PCDHA1: variants seen among roughly 807,000 people sequenced by gnomAD.
PCDHA1 encodes protocadherin alpha-1.
PCDHA1 carries 42 observed loss-of-function variants against 61.3 expected under a neutral mutation model. That is an observed-to-expected ratio of 0.69 (90% CI 0.54 to 0.89). The LOEUF is 0.89. Among genes scored for constraint, PCDHA1 ranks in the 40% least tolerant of loss-of-function variants. The pLI is 0.00. For missense variants in PCDHA1, 1,256 were observed against 1,235.3 expected, an observed-to-expected ratio of 1.02 and a Z score of -0.25; for synonymous variants, 610 against 553.8, an observed-to-expected ratio of 1.10 and a Z score of -1.43.
chr5:140,854,269 G>C, intron 1 of PCDHA1: 2 of 577,018 alleles, frequency 3.5e-6, no homozygotes, highest in Non-Finnish European at 4.4e-6. Flanking sequence ...TACATTAGTA[G>C]AAATTGAGTT....
At chr5:140,795,112 C>G in intron 1 of PCDHA1, 1 of 1,614,064 alleles carries the variant, frequency 6.2e-7, no homozygotes. Context: ...CCGCATCGCG[C>G]AGGACCTGGG....
Position 140,929,060 on chromosome 5 carries a change from A to G in PCDHA1, c.2395-49889A>G, listed in dbSNP as rs782222884. 3 of 1,614,188 alleles carry G rather than the reference A, an allele frequency of 1.9e-6. No individual in the cohort carries two copies. In the South Asian group the frequency reaches 3.3e-5, roughly 18 times the overall value. On this transcript the variant is annotated intron_variant, in intron 1 of 3. Transcript: ENST00000504120. ...GCTCAGAGCTGCTGTCGCTCTACAGAGGATCTGAGGTATGGAAGTAAGATG... is the reference window on the plus strand; with the variant it reads ...GCTCAGAGCTGCTGTCGCTCTACAGGGGATCTGAGGTATGGAAGTAAGATG...
chr5:140,992,414 G>T (rs868994021), intron 3 of PCDHA1, among the ~76,000 whole-genome samples: 1 of 152,128 alleles, frequency 6.6e-6, no homozygotes, highest in African/African-American at 2.4e-5. Flanking sequence ...TCTGCCCCAG[G>T]TCTAAGAATA....
chr5:140,793,137 A>G (rs1348290402), intron 1 of PCDHA1, among the ~76,000 whole-genome samples: 3 of 152,228 alleles, frequency 2.0e-5, no homozygotes, highest in Non-Finnish European at 4.4e-5. Flanking sequence ...TTCTGGTAAG[A>G]GTCATCAAAC....
chr5:140,823,100 T>C (rs1183844615), intron 1 of PCDHA1: 3 of 1,613,902 alleles, frequency 1.9e-6, no homozygotes, highest in African/African-American at 1.3e-5. Context: ...AGCGTGTCTG[T>C]GGAAGTGGCC....
intron 1 of PCDHA1, among the ~76,000 whole-genome samples, chr5:140,958,752 T>A (rs1423879082): frequency 6.6e-6 from 1 of 152,166 alleles, no homozygotes; most frequent in Non-Finnish European, 1.5e-5. Context: ...AAAGGAGATT[T>A]TTACCCATTT....
chr5:140,836,639 G>T, intron 1 of PCDHA1: 1 of 1,613,412 alleles, frequency 6.2e-7, no homozygotes, highest in Middle Eastern at 1.6e-4. Context: ...CATTCTCCCA[G>T]CAGAGGCGGC....
chr5:140,803,165 A>G, intron 1 of PCDHA1: 1 of 1,613,822 alleles, frequency 6.2e-7, no homozygotes, highest in Non-Finnish European at 8.5e-7. Context: ...ACCACGGTGA[A>G]CCCTCATTGA....
At chr5:140,832,345 G>T (rs2150201218) in intron 1 of PCDHA1, among the ~76,000 whole-genome samples, 1,544 of 152,284 alleles carry the variant, frequency 0.01, 30 homozygotes, top group African/African-American at 0.036. Context: ...GTTGTGGTTT[G>T]TGTTTCCTAA....
chr5:140,850,045 T>A lies in PCDHA1; in HGVS notation c.2394+61361T>A, dbSNP rs782277317. 1.9e-6 allele frequency: 3 copies of A among 1,596,208 alleles called. No individual in the cohort carries two copies. Among genetic ancestry groups the A allele is most frequent in the Non-Finnish European group, 2.6e-6 (3 of 1,167,714 alleles). On this transcript the variant is annotated intron_variant, in intron 1 of 3. Transcript: ENST00000504120. ...TCAGTGCACGCGGAGAGCGGCAAGG[T>A]GTACGCGCTGCAGCCGTTGGACCAC... is the stretch of plus-strand genomic sequence containing the variant.
chr5:140,956,464 A>C (rs1340273443), intron 1 of PCDHA1, among the ~76,000 whole-genome samples: 1 of 152,148 alleles, frequency 6.6e-6, no homozygotes, highest in Admixed American at 6.6e-5. Flanking sequence ...ATTGATTTGC[A>C]TATGTTGAAC....
At position 140,848,602 on chromosome 5, in the gene PCDHA1, C is replaced by T. The variant is rs140949600; in HGVS notation, c.2394+59918C>T. 50 of 1,593,476 alleles carry T rather than the reference C, an allele frequency of 3.1e-5. 3 individuals carry two copies. The African/African-American group carries it at 6.1e-4, about 19-fold the overall frequency. On this transcript the variant is annotated intron_variant, in intron 1 of 3. Transcript: ENST00000504120. ...AGCGGCCAGCTCCACTACTCCGTCC[C>T]GGAGGAAGCCGAACACGGCACCTTC...
intron 1 of PCDHA1, chr5:140,967,145 A>C: frequency 1.2e-6 from 2 of 1,610,892 alleles, no homozygotes; most frequent in Non-Finnish European, 8.5e-7. Context: ...GCTGGCGCAC[A>C]ACCCCGTGGC....
chr5:140,918,234 T>G (rs1188816850), intron 1 of PCDHA1, among the ~76,000 whole-genome samples: 1 of 152,210 alleles, frequency 6.6e-6, no homozygotes, highest in Non-Finnish European at 1.5e-5. Context: ...TTTTGTACAT[T>G]GATTTTGTAT....
rs147440301 is a variant in PCDHA1, at chr5:140,924,523, G to A, written c.2395-54426G>A. On this transcript the variant is annotated intron_variant, in intron 1 of 3. Transcript: ENST00000504120. ...AATCCCACTCTTAGTGTTAAAAAGA[G>A]AATGCCCGAGCTACCCCTCTCCCCA... is the stretch of plus-strand genomic sequence containing the variant. Among the ~76,000 whole-genome samples, 1,224 of 152,202 alleles carry A rather than the reference G, an allele frequency of 8.0e-3. 6 individuals carry two copies. The highest frequency in any genetic ancestry group is 0.019 in the African/African-American group (791 of 41,530).
At chr5:140,928,178 G>C (rs2085023372) in intron 1 of PCDHA1, 1 of 1,614,074 alleles carries the variant, frequency 6.2e-7, no homozygotes, top group African/African-American at 1.3e-5. Flanking sequence ...AGCACCCGAA[G>C]GACAATCACT....
intron 1 of PCDHA1, chr5:140,883,557 G>A (rs868923862): frequency 6.2e-7 from 1 of 1,614,214 alleles, no homozygotes; most frequent in Non-Finnish European, 8.5e-7. Flanking sequence ...GCGCGGGACG[G>A]GGGCTCGCCT....
Position 140,911,260 on chromosome 5 carries a change from A to G in PCDHA1, c.2395-67689A>G, listed in dbSNP as rs1178961396. On this transcript the variant is annotated intron_variant, in intron 1 of 3. Transcript: ENST00000504120. ...AAAAAAAGTTTCATCAGAATTTATA[A>G]TCTCAGTGTCCCCAGCTTCATCAGG... is the stretch of plus-strand genomic sequence containing the variant. Among the ~76,000 whole-genome samples, 8 of 152,222 alleles carry G rather than the reference A, an allele frequency of 5.3e-5. 1 individual carries two copies. The highest frequency in any genetic ancestry group is 1.9e-4 in the African/African-American group (8 of 41,520).
rs2094433165 is a variant in PCDHA1, at chr5:140,949,923, G to T, written c.2395-29026G>T. Among the ~76,000 whole-genome samples the T allele has an allele frequency of 2.7e-5, 4 of 150,516 alleles. No homozygotes were observed. In the South Asian group the frequency reaches 8.3e-4, roughly 31 times the overall value. On this transcript the variant is annotated intron_variant, in intron 1 of 3. Coordinates refer to ENST00000504120, the MANE Select transcript of PCDHA1 (RefSeq NM_018900.4). Reference sequence around the variant, plus strand: ...TAATTTTTAGATATAACTATTTTTAGATTTTTTTTAATTTGCATTTTTTAG... The same window carrying T: ...TAATTTTTAGATATAACTATTTTTATATTTTTTTTAATTTGCATTTTTTAG...
Sources: gnomAD v4.1 joint callset for allele counts (sites outside exome capture counted in the v4.1 genomes callset) on GRCh38, gnomAD v4.1.1 for gene constraint, MANE v1.5 for transcripts, NCBI Gene and HGNC (gene_info 2026-07-23, HGNC 2026-07-21) for gene names.